SRPK2: variants seen among roughly 807,000 people sequenced by gnomAD.
SRPK2 encodes SFRS protein kinase 2.
In SRPK2, 21 loss-of-function variants were observed where a neutral mutation model predicts 90.8. The ratio of observed to expected loss-of-function variants is 0.23; its 90% CI spans 0.16 to 0.33. SRPK2 has a LOEUF of 0.33. SRPK2 is among the 10% of genes least tolerant of loss of function. The pLI is 1.00. For synonymous variants in SRPK2, 288 were observed against 311.1 expected (o/e 0.93, Z 0.78); for missense variants, 620 against 869.0 (o/e 0.71, Z 3.60).
chr7:105,186,431 G>T (rs1793588289), intron 3 of SRPK2, among the ~76,000 whole-genome samples: 1 of 152,184 alleles, frequency 6.6e-6, no homozygotes, highest in Non-Finnish European at 1.5e-5. Flanking sequence ...CCACTTACAA[G>T]AAAGAACATG....
chr7:105,169,704 GAC>G (rs2129587036), intron 3 of SRPK2, among the ~76,000 whole-genome samples: 1 of 152,284 alleles, frequency 6.6e-6, no homozygotes, highest in African/African-American at 2.4e-5. Context: ...CTGCAATCCA[GAC>G]AGCCTGACCA....
At chr7:105,319,065 G>A (rs1812613701) in intron 2 of SRPK2, among the ~76,000 whole-genome samples, 1 of 152,128 alleles carries the variant, frequency 6.6e-6, no homozygotes. Context: ...CCAAAAGGGT[G>A]AAAATTAAAT....
At position 105,263,401 on chromosome 7, in the gene SRPK2, T is replaced by TTAA. The variant is rs574624887; in HGVS notation, c.72-59619_72-59617dup. On this transcript the variant is annotated intron_variant, in intron 2 of 15. Coordinates refer to ENST00000393651, the MANE Select transcript of SRPK2 (RefSeq NM_182692.3). ...AAACTGTAAGCCTCCCAAATGCTCA[T>TTAA]TAATAGAATGAATAAACTGAGGTAT... Among the ~76,000 whole-genome samples the TTAA allele has an allele frequency of 8.6e-5, 13 of 152,020 alleles. No homozygotes were observed. In the East Asian group the frequency reaches 2.5e-3, roughly 29 times the overall value.
chr7:105,233,815 C>T (rs947993540), intron 2 of SRPK2, among the ~76,000 whole-genome samples: 6 of 151,846 alleles, frequency 4.0e-5, no homozygotes, highest in South Asian at 2.1e-4. Flanking sequence ...AGCCAATGCA[C>T]TCCAGCAGCC....
At chr7:105,386,382 T>G (rs1821607543) in intron 2 of SRPK2, among the ~76,000 whole-genome samples, 2 of 149,722 alleles carry the variant, frequency 1.3e-5, no homozygotes, top group African/African-American at 4.9e-5. Flanking sequence ...ATTGAAGACA[T>G]GAATAAATAA....
upstream of SRPK2, among the ~76,000 whole-genome samples, chr7:105,392,495 G>A (rs55710341): frequency 0.028 from 4,327 of 152,260 alleles, 215 homozygotes; most frequent in African/African-American, 0.1. Flanking sequence ...TACCACACTG[G>A]TTGTAGAACA....
At chr7:105,125,725 A>C in intron 15 of SRPK2, 1 of 791,124 alleles carries the variant, frequency 1.3e-6, no homozygotes. Flanking sequence ...CGAATGCACA[A>C]TTTCTCCTTT....
chr7:105,173,406 TC>T (rs1484668937), intron 3 of SRPK2, among the ~76,000 whole-genome samples: 1 of 152,242 alleles, frequency 6.6e-6, no homozygotes. Context: ...TCAAGTATCT[TC>T]TGACCATTCA....
At chr7:105,247,040 A>T (rs1283120950) in intron 2 of SRPK2, among the ~76,000 whole-genome samples, 2 of 152,188 alleles carry the variant, frequency 1.3e-5, no homozygotes, top group Non-Finnish European at 2.9e-5. Flanking sequence ...ATTCACATTC[A>T]GTCTTCTGTA....
chr7:105,234,424 A>C (rs550734797), intron 2 of SRPK2, among the ~76,000 whole-genome samples: 1 of 152,316 alleles, frequency 6.6e-6, no homozygotes, highest in Admixed American at 6.5e-5. Flanking sequence ...CATTTAAGAA[A>C]TATTTCCTGG....
intron 2 of SRPK2, among the ~76,000 whole-genome samples, chr7:105,334,445 A>C (rs938055633): frequency 2.0e-5 from 3 of 148,292 alleles, no homozygotes; most frequent in African/African-American, 7.4e-5. Context: ...GCTGGTCTCG[A>C]ACTCCGACCT....
At chr7:105,243,389 T>G (rs1801083042) in intron 2 of SRPK2, among the ~76,000 whole-genome samples, 1 of 152,142 alleles carries the variant, frequency 6.6e-6, no homozygotes, top group South Asian at 2.1e-4. Flanking sequence ...GTGGCAAGAT[T>G]ACAATTAAAA....
In SRPK2 at chr7:105,269,448, G is replaced by A. The variant is rs971264361; in HGVS notation, c.72-65663C>T. ...ATTAAAGACACATTTAATATCTAGT[G>A]TTCCTAACTCCTCTAGAAAGAGACT... On this transcript the variant is annotated intron_variant, in intron 2 of 15. Coordinates refer to ENST00000393651, the MANE Select transcript of SRPK2 (RefSeq NM_182692.3). 2.6e-5 allele frequency among the ~76,000 whole-genome samples: 4 copies of A among 152,134 alleles called. No homozygotes were observed. In the East Asian group the frequency reaches 7.7e-4, roughly 29 times the overall value.
At chr7:105,348,427 T>C (rs1264352163) in intron 2 of SRPK2, among the ~76,000 whole-genome samples, 2 of 144,070 alleles carry the variant, frequency 1.4e-5, no homozygotes, top group Admixed American at 7.0e-5. Context: ...TTTTCTTTCT[T>C]TTTTTTTTTT....
At position 105,388,707 on chromosome 7, in the gene SRPK2, G is replaced by T; in HGVS notation, c.17-5C>A. The T allele has an allele frequency of 6.3e-7, 1 of 1,581,034 alleles. No homozygotes were observed. The highest frequency in any genetic ancestry group is 8.6e-7 in the Non-Finnish European group (1 of 1,162,896). On this transcript the variant is annotated splice_polypyrimidine_tract_variant and splice_region_variant and intron_variant, in intron 1 of 15. Coordinates refer to ENST00000393651, the MANE Select transcript of SRPK2 (RefSeq NM_182692.3). ...TTCGGGCCTGAATGGCCAGCACTGG[G>T]GAAGAGAAGACACACATTAACGGTC...
chr7:105,139,359 T>A (rs140862840), intron 11 of SRPK2, among the ~76,000 whole-genome samples: 76 of 152,244 alleles, frequency 5.0e-4, no homozygotes, highest in Non-Finnish European at 7.6e-4. Context: ...GGGGGACCCC[T>A]ACTTAGGAGG....
intron 2 of SRPK2, among the ~76,000 whole-genome samples, chr7:105,362,963 T>C (rs894310713): frequency 6.6e-6 from 1 of 152,092 alleles, no homozygotes; most frequent in Non-Finnish European, 1.5e-5. Context: ...ACACTGCATG[T>C]TCTCACTCAT....
intron 2 of SRPK2, among the ~76,000 whole-genome samples, chr7:105,257,447 T>A (rs986421473): frequency 4.6e-5 from 7 of 152,330 alleles, no homozygotes; most frequent in South Asian, 2.1e-4. Flanking sequence ...TGCAAAATTA[T>A]CTTAGGTGAT....
At chr7:105,225,888 A>G (rs1226843924) in intron 2 of SRPK2, among the ~76,000 whole-genome samples, 1 of 152,206 alleles carries the variant, frequency 6.6e-6, no homozygotes, top group Non-Finnish European at 1.5e-5. Context: ...AAGTAAAAAT[A>G]AGCAAACAAA....
Sources: gnomAD v4.1 joint callset for allele counts (sites outside exome capture counted in the v4.1 genomes callset) on GRCh38, gnomAD v4.1.1 for gene constraint, MANE v1.5 for transcripts, NCBI Gene and HGNC (gene_info 2026-07-23, HGNC 2026-07-21) for gene names.